FARP1: variants seen among roughly 807,000 people sequenced by gnomAD.
FARP1 encodes the protein FERM, ARHGEF and pleckstrin domain-containing protein 1.
Under a neutral mutation model 128.8 loss-of-function variants are expected in FARP1, and 52 were observed. The observed-to-expected ratio is 0.40, with a 90% CI of 0.32 to 0.51. FARP1 has a LOEUF of 0.51. Ranked by LOEUF, FARP1 falls within the 20% of genes least tolerant of loss-of-function variation. The pLI, the probability that FARP1 is intolerant of heterozygous loss-of-function variation, is 0.45. For missense variants in FARP1, 1,333 were observed against 1,367.9 expected, an observed-to-expected ratio of 0.97 and a Z score of 0.40; for synonymous variants, 580 against 551.8, an observed-to-expected ratio of 1.05 and a Z score of -0.72.
rs1390875723 is a variant in FARP1 at position 98,170,936 on chromosome 13, GC to G, written c.-24+27445del. 2.6e-5 allele frequency among the ~76,000 whole-genome samples: 4 copies of G among 151,310 alleles called. No individual in the cohort carries two copies. In the Admixed American group the frequency reaches 2.7e-4, roughly 10 times the overall value. On this transcript the variant is annotated intron_variant, in intron 1 of 26. Coordinates refer to ENST00000319562, the MANE Select transcript of FARP1 (RefSeq NM_005766.4). The stretch of plus-strand genomic sequence containing the variant: ...TGGAATTTTTGTGCACATGGATGGG[GC>G]TTGTCAATTGTTGATTTTTCTTTAA...
At chr13:98,327,518 A>G (rs752919630) in intron 2 of FARP1, among the ~76,000 whole-genome samples, 4 of 152,226 alleles carry the variant, frequency 2.6e-5, no homozygotes, top group Admixed American at 6.5e-5. Context: ...TAACAATGGA[A>G]TGTGCTAAAT....
At chr13:98,277,975 T>C (rs1325631329) in intron 2 of FARP1, among the ~76,000 whole-genome samples, 1 of 151,718 alleles carries the variant, frequency 6.6e-6, no homozygotes, top group African/African-American at 2.4e-5. Context: ...TTGTTTTAAA[T>C]GGTCAAAATC....
At chr13:98,343,440 G>A (rs1192946378) in intron 2 of FARP1, among the ~76,000 whole-genome samples, 4 of 152,154 alleles carry the variant, frequency 2.6e-5, no homozygotes, top group Admixed American at 2.0e-4. Flanking sequence ...TGTGTAGCGC[G>A]AAGAAGTTTT....
chr13:98,180,782 G>A (rs538857461), intron 1 of FARP1, among the ~76,000 whole-genome samples: 1 of 152,284 alleles, frequency 6.6e-6, no homozygotes, highest in African/African-American at 2.4e-5. Flanking sequence ...AGGGGTGAAT[G>A]CCTGAGTGCA....
At chr13:98,385,526 T>G (rs1355453647) in intron 7 of FARP1, 141 bp from the exon 8 acceptor site, 1 of 831,998 alleles carries the variant, frequency 1.2e-6, no homozygotes. Context: ...GAATGGGAGA[T>G]TGGGTGTCAT....
Position 98,453,127 on chromosome 13 carries a change from G to T in FARP1, c.*4810G>T. 1 of 1,607,438 alleles carries T rather than the reference G, an allele frequency of 6.2e-7. No individual in the cohort carries two copies. The highest frequency in any genetic ancestry group is 8.5e-7 in the Non-Finnish European group (1 of 1,175,218). ...TTGACTTTTAAAAAAGGAGGAGGAT[G>T]AAGAAGGAAAAAAGGAAAAACAAAA... is the stretch of plus-strand genomic sequence containing the variant. On this transcript the variant is annotated 3_prime_UTR_variant, in exon 27 of 27. Transcript: ENST00000319562.
chr13:98,358,627 GT>G (rs577449797), intron 3 of FARP1, among the ~76,000 whole-genome samples: 2 of 152,016 alleles, frequency 1.3e-5, no homozygotes, highest in East Asian at 1.9e-4. Context: ...TCAAAGTAAA[GT>G]TTTTTTGTTT....
At chr13:98,285,240 T>C (rs1885110873) in intron 2 of FARP1, among the ~76,000 whole-genome samples, 1 of 152,196 alleles carries the variant, frequency 6.6e-6, no homozygotes, top group South Asian at 2.1e-4. Flanking sequence ...TAAAAAATTT[T>C]AAAATATGGA....
rs146391885 is a variant in FARP1, at chr13:98,169,078, A to G, written c.-24+25586A>G. ...TTTTTAAAATTTGTTTGATTTTTCTACGTATCCATTGCTAATAACTTGAAC... is the reference window on the plus strand; with the variant it reads ...TTTTTAAAATTTGTTTGATTTTTCTGCGTATCCATTGCTAATAACTTGAAC... On this transcript the variant is annotated intron_variant, in intron 1 of 26. Coordinates refer to ENST00000319562, the MANE Select transcript of FARP1 (RefSeq NM_005766.4). Among the ~76,000 whole-genome samples the G allele has an allele frequency of 5.8e-3, 882 of 152,148 alleles. 8 individuals carry two copies. The highest frequency in any genetic ancestry group is 0.02 in the African/African-American group (843 of 41,498).
At chr13:98,351,310 A>G (rs538616357) in intron 3 of FARP1, among the ~76,000 whole-genome samples, 13 of 152,300 alleles carry the variant, frequency 8.5e-5, no homozygotes, top group Admixed American at 7.8e-4. Context: ...AGGCTGGGTA[A>G]TTTATAAAGA....
Position 98,277,109 on chromosome 13 carries a change from T to TACACACACACACACACACACATACACAC in FARP1, c.171+63717_171+63718insTACACACACACACACACACACACACACA, listed in dbSNP as rs1884689644. On this transcript the variant is annotated intron_variant, in intron 2 of 26. Transcript: ENST00000319562. ...AGCTCTTGGATCTGCTCTAGAAAAA[T>TACACACACACACACACACACATACACAC]ACACACACACACACACACACACACA... Among the ~76,000 whole-genome samples the TACACACACACACACACACACATACACAC allele has an allele frequency of 2.5e-5, 3 of 118,140 alleles. No homozygotes were observed. The Admixed American group carries it at 2.8e-4, about 11-fold the overall frequency. The allele number at this position is 118,140 out of a possible 152,430, so 77.5% of individuals were successfully genotyped here.
chr13:98,351,554 G>A lies in FARP1; in HGVS notation c.276+7688G>A, dbSNP rs565070045. Among the ~76,000 whole-genome samples the A allele has an allele frequency of 1.1e-4, 16 of 151,050 alleles. No homozygotes were observed. The East Asian group carries it at 3.1e-3, about 30-fold the overall frequency. The stretch of plus-strand genomic sequence containing the variant: ...GTGAACCCGGGAGGCGGAGCTCGCA[G>A]TGAGCTGAGATCACGCCACTGCTCT... On this transcript the variant is annotated intron_variant, in intron 3 of 26. Transcript: ENST00000319562.
chr13:98,430,744 T>C (rs1172708170), intron 17 of FARP1, among the ~76,000 whole-genome samples: 1 of 152,238 alleles, frequency 6.6e-6, no homozygotes, highest in Non-Finnish European at 1.5e-5. Flanking sequence ...CCCCAGTTTT[T>C]CCAGGCTCAA....
At chr13:98,152,813 T>C (rs1876108490) in intron 1 of FARP1, among the ~76,000 whole-genome samples, 1 of 152,186 alleles carries the variant, frequency 6.6e-6, no homozygotes, top group African/African-American at 2.4e-5. Context: ...GATGATCTCT[T>C]TATAAGGACT....
chr13:98,446,838 C>T (rs779432034), intron 26 of FARP1, 21 bp downstream of exon 26: 4 of 1,613,332 alleles, frequency 2.5e-6, no homozygotes, highest in Non-Finnish European at 3.4e-6. Context: ...CCTTCCCACG[C>T]ACAGGGCCCT....
intron 2 of FARP1, among the ~76,000 whole-genome samples, chr13:98,269,478 A>G (rs1884287521): frequency 6.6e-6 from 1 of 152,230 alleles, no homozygotes. Flanking sequence ...CTGTGTTCTA[A>G]GCCATTTGGC....
intron 21 of FARP1, among the ~76,000 whole-genome samples, chr13:98,439,660 G>A (rs909527865): frequency 6.6e-6 from 1 of 152,234 alleles, no homozygotes; most frequent in African/African-American, 2.4e-5. Flanking sequence ...TGGCAGGCAG[G>A]TGTAGAGGGC....
chr13:98,267,509 T>A (rs1311202873), intron 2 of FARP1, among the ~76,000 whole-genome samples: 1 of 152,188 alleles, frequency 6.6e-6, no homozygotes, highest in East Asian at 1.9e-4. Flanking sequence ...CTTCCCAAGG[T>A]TGGACTCTCG....
At chr13:98,371,397 A>C (rs372828067) in intron 5 of FARP1, among the ~76,000 whole-genome samples, 2 of 152,188 alleles carry the variant, frequency 1.3e-5, no homozygotes, top group East Asian at 1.9e-4. Flanking sequence ...CTCCTCTGTC[A>C]GTGCTGATAA....
Sources: allele counts gnomAD v4.1 joint callset (sites outside exome capture counted in the v4.1 genomes callset), GRCh38; gene constraint gnomAD v4.1.1; transcripts MANE v1.5; gene names NCBI Gene and HGNC (gene_info 2026-07-23, HGNC 2026-07-21).